Variants in AGO3 observed in about 807,000 individuals in gnomAD.
The protein encoded by AGO3 is protein argonaute-3.
Under a neutral mutation model 105.5 loss-of-function variants are expected in AGO3, and 16 were observed. The observed-to-expected ratio is 0.15, with a 90% CI of 0.10 to 0.23. The LOEUF (loss-of-function observed/expected upper bound fraction) is 0.23, where lower values mean the gene tolerates loss of function less well. Ranked by LOEUF, AGO3 falls within the 10% of genes least tolerant of loss-of-function variation. The pLI is 1.00. For missense variants in AGO3, 534 were observed against 1,088.0 expected (o/e 0.49, Z 7.16); for synonymous variants, 340 against 367.3 (o/e 0.93, Z 0.85).
At chr1:36,009,236 A>AAC in intron 8 of AGO3, 192 bp downstream of exon 8, 1 of 833,834 alleles carries the variant, frequency 1.2e-6, no homozygotes. Context: ...ACTCTAATGT[A>AAC]ACCACTGTTA....
At position 36,070,259 on chromosome 1, in the gene AGO3, T is replaced by C. The variant is rs947249412; in HGVS notation, c.*14514T>C. 7 of 152,216 alleles carry C rather than the reference T, an allele frequency of 4.6e-5. No individual in the cohort carries two copies. The highest frequency in any genetic ancestry group is 1.7e-4 in the African/African-American group (7 of 41,462). 9.4% of individuals were successfully genotyped at this position (152,216 alleles called of 1,614,324 possible). ...AAAGAAAGTGTGCTTATTTCACTCA[T>C]GTCTTTGCAGAATTTAACTTTGCTT... On this transcript the variant is annotated 3_prime_UTR_variant, in exon 19 of 19. Transcript: ENST00000373191.
intron 1 of AGO3, among the ~76,000 whole-genome samples, chr1:35,939,216 C>G (rs1051997878): frequency 6.6e-6 from 1 of 151,964 alleles, no homozygotes; most frequent in Admixed American, 6.6e-5. Context: ...GTAAATATTT[C>G]ATAATATTCT....
At chr1:35,988,672 TTGTC>T (rs1188859593) in intron 5 of AGO3, among the ~76,000 whole-genome samples, 1 of 152,148 alleles carries the variant, frequency 6.6e-6, no homozygotes, top group African/African-American at 2.4e-5. Flanking sequence ...TTTTATCCAT[TTGTC>T]TGTCGATGGT....
chr1:35,953,693 G>A (rs1389706272), intron 2 of AGO3, among the ~76,000 whole-genome samples: 1 of 151,588 alleles, frequency 6.6e-6, no homozygotes, highest in Non-Finnish European at 1.5e-5. Flanking sequence ...GTAGTTTTTA[G>A]TAGAGATGGG....
At chr1:35,972,961 T>G (rs977377185) in intron 4 of AGO3, among the ~76,000 whole-genome samples, 1 of 147,544 alleles carries the variant, frequency 6.8e-6, no homozygotes, top group African/African-American at 2.5e-5. Context: ...CCTCCCAAAG[T>G]GCTCGGATTA....
chr1:36,036,403 T>G, intron 14 of AGO3, 136 bp downstream of exon 14: 1 of 825,026 alleles, frequency 1.2e-6, no homozygotes, highest in Non-Finnish European at 1.9e-6. Context: ...AAAGAATGAT[T>G]ATTCTCTGGT....
At chr1:35,931,512 C>A (rs1646046756) in intron 1 of AGO3, 67 bp downstream of exon 1, 22 of 1,330,734 alleles carry the variant, frequency 1.7e-5, no homozygotes, top group Non-Finnish European at 2.0e-5. Flanking sequence ...CATCCCTGCT[C>A]CTCCCGCCCG....
At position 35,955,637 on chromosome 1, in the gene AGO3, C is replaced by T. The variant is rs146620990; in HGVS notation, c.191+9774C>T. Among the ~76,000 whole-genome samples, 348 of 151,442 alleles carry T rather than the reference C, an allele frequency of 2.3e-3. 6 individuals carry two copies. The highest frequency in any genetic ancestry group is 0.014 in the East Asian group (72 of 5,138). ...GAGACAGGAGTCTCACTCTGTCACC[C>T]AGGCTGGAGTGCAGTGGCGTGAACA... On this transcript the variant is annotated intron_variant, in intron 2 of 18. Coordinates refer to ENST00000373191, the MANE Select transcript of AGO3 (RefSeq NM_024852.4).
intron 17 of AGO3, among the ~76,000 whole-genome samples, chr1:36,045,670 G>A (rs1313084483): frequency 1.3e-5 from 2 of 152,010 alleles, no homozygotes; most frequent in Non-Finnish European, 2.9e-5. Context: ...AGCCTCCGGA[G>A]TAGCTGGAAT....
At chr1:36,041,072 CAAAAA>C (rs35842002) in intron 16 of AGO3, among the ~76,000 whole-genome samples, 3 of 33,228 alleles carry the variant, frequency 9.0e-5, no homozygotes, top group Non-Finnish European at 2.0e-4. Flanking sequence ...AACTCCATCT[CAAAAA>C]AAAAAAAAAA....
intron 9 of AGO3, among the ~76,000 whole-genome samples, chr1:36,011,211 A>G (rs1222108167): frequency 1.3e-5 from 2 of 152,204 alleles, no homozygotes; most frequent in Non-Finnish European, 2.9e-5. Context: ...AAAACAACTT[A>G]ATAATACTTC....
At chr1:35,973,345 G>T (rs1646901946) in intron 4 of AGO3, 30 bp from the exon 5 acceptor site, 2 of 1,459,422 alleles carry the variant, frequency 1.4e-6, no homozygotes, top group Non-Finnish European at 1.8e-6. Flanking sequence ...GAGAAGGAAA[G>T]GATTGAACAT....
Position 36,043,418 on chromosome 1 carries a change from T to C in AGO3, c.2173-29T>C, listed in dbSNP as rs1337842807. ...AGATATATTTTTACCTTTTTCTTGT[T>C]TGTTTAAACTTTAACCAAACAAATC... is the stretch of plus-strand genomic sequence containing the variant. On this transcript the variant is annotated intron_variant, in intron 16 of 18. Coordinates refer to ENST00000373191, the MANE Select transcript of AGO3 (RefSeq NM_024852.4). The C allele has an allele frequency of 3.2e-6, 5 of 1,570,268 alleles. No individual in the cohort carries two copies. The East Asian group carries it at 9.0e-5, about 28-fold the overall frequency.
intron 11 of AGO3, among the ~76,000 whole-genome samples, chr1:36,019,040 G>T (rs1351926226): frequency 6.6e-6 from 1 of 151,928 alleles, no homozygotes; most frequent in Non-Finnish European, 1.5e-5. Context: ...CAAGCTTCAG[G>T]GTCCTGAAGT....
rs372708309 is a variant in AGO3, at chr1:36,055,275, A to G, written c.2474+130A>G. ...AAATGATGACAGAACTGACTGCCCA[A>G]GGTTTCCTATTGAAATATATTGTCT... On this transcript the variant is annotated intron_variant, in intron 18 of 18. Coordinates refer to ENST00000373191, the MANE Select transcript of AGO3 (RefSeq NM_024852.4). The surrounding 1 kb of genome is among the most constrained non-coding windows in gnomAD (Gnocchi z 4.4). 1.2e-4 allele frequency: 113 copies of G among 960,216 alleles called. 1 individual carries two copies. The highest frequency in any genetic ancestry group is 1.1e-3 in the South Asian group (68 of 61,310). 59.5% of individuals were successfully genotyped at this position (960,216 alleles called of 1,614,324 possible). A position where few individuals can be genotyped will look rare whatever the true frequency, so the allele number is the denominator to read the frequency against.
chr1:36,036,094 G>T, intron 13 of AGO3, 83 bp from the exon 14 acceptor site: 5 of 1,225,978 alleles, frequency 4.1e-6, no homozygotes, highest in Non-Finnish European at 4.7e-6. Flanking sequence ...TCAATAACTT[G>T]AAGTTACGTT....
At chr1:36,049,061 G>T (rs1179295725) in intron 17 of AGO3, among the ~76,000 whole-genome samples, 1 of 152,176 alleles carries the variant, frequency 6.6e-6, no homozygotes, top group Admixed American at 6.6e-5. Flanking sequence ...AACATAGATG[G>T]AGCTGAAGGT....
At chr1:36,037,860 C>G (rs1569895296) in intron 14 of AGO3, among the ~76,000 whole-genome samples, 1 of 152,124 alleles carries the variant, frequency 6.6e-6, no homozygotes, top group Admixed American at 6.5e-5. Flanking sequence ...TACTTTGGGT[C>G]ATTTTCCACA....
chr1:35,946,117 T>G (rs1045522601), intron 2 of AGO3, among the ~76,000 whole-genome samples: 2 of 152,218 alleles, frequency 1.3e-5, no homozygotes, highest in African/African-American at 4.8e-5. Context: ...TACATGCTCC[T>G]GAAATCAGGC....
Sources: allele counts gnomAD v4.1 joint callset (sites outside exome capture counted in the v4.1 genomes callset), GRCh38; gene constraint gnomAD v4.1.1; non-coding constraint Gnocchi (gnomAD v3.1); transcripts MANE v1.5; gene names NCBI Gene and HGNC (gene_info 2026-07-23, HGNC 2026-07-21).